Variants in TACR3 observed in about 807,000 individuals in gnomAD.
The protein encoded by TACR3 is tachykinin receptor 3, also known as neuromedin-K receptor.
TACR3 carries 34 observed loss-of-function variants against 35.0 expected under a neutral mutation model. The ratio of observed to expected loss-of-function variants is 0.97; its 90% CI spans 0.74 to 1.30. The LOEUF (loss-of-function observed/expected upper bound fraction) is 1.30. Among genes scored for constraint, TACR3 ranks in the 50% most tolerant of loss-of-function variants. The pLI, the probability that TACR3 is intolerant of heterozygous loss-of-function variation, is 0.00. For synonymous variants in TACR3, 233 were observed against 221.1 expected (o/e 1.05, Z -0.48); for missense variants, 558 against 591.7 (o/e 0.94, Z 0.59).
intron 3 of TACR3, among the ~76,000 whole-genome samples, chr4:103,638,171 A>G (rs906052321): frequency 3.3e-5 from 5 of 151,840 alleles, no homozygotes; most frequent in African/African-American, 4.8e-5. Context: ...GAGGCATCAC[A>G]CTACCTGACT....
intron 3 of TACR3, among the ~76,000 whole-genome samples, chr4:103,639,145 G>A (rs1225447804): frequency 6.6e-6 from 1 of 152,110 alleles, no homozygotes; most frequent in Admixed American, 6.6e-5. Context: ...GCACACGTAT[G>A]TTTATTGCGG....
intron 3 of TACR3, among the ~76,000 whole-genome samples, chr4:103,634,738 C>G (rs1207777655): frequency 1.3e-5 from 2 of 152,064 alleles, no homozygotes; most frequent in African/African-American, 4.8e-5. Context: ...AGCAATTAAT[C>G]TTAAAACAGA....
intron 3 of TACR3, among the ~76,000 whole-genome samples, chr4:103,648,659 TACC>T (rs1284053524): frequency 2.6e-5 from 4 of 152,176 alleles, no homozygotes; most frequent in Admixed American, 2.6e-4. Context: ...TGTGTATATG[TACC>T]ACATTTGCTT....
At chr4:103,611,654 CT>C (rs36108507) in intron 3 of TACR3, among the ~76,000 whole-genome samples, 1 of 151,624 alleles carries the variant, frequency 6.6e-6, no homozygotes, top group South Asian at 2.1e-4. Flanking sequence ...CAAGCATTTC[CT>C]TTTTTTTAAC....
chr4:103,639,076 C>A (rs71597165), intron 3 of TACR3, among the ~76,000 whole-genome samples: 2 of 152,020 alleles, frequency 1.3e-5, no homozygotes, highest in East Asian at 3.9e-4. Context: ...TTGACCCAGC[C>A]ATCCCATTAC....
At chr4:103,656,484 C>T in intron 2 of TACR3, 140 bp from the exon 3 acceptor site, 1 of 802,912 alleles carries the variant, frequency 1.2e-6, no homozygotes, top group Non-Finnish European at 2.0e-6. Flanking sequence ...CTCAAAATTC[C>T]ATCAAAATAT....
chr4:103,639,605 GA>G (rs977363017), intron 3 of TACR3, among the ~76,000 whole-genome samples: 3 of 151,348 alleles, frequency 2.0e-5, no homozygotes, highest in Non-Finnish European at 3.0e-5. Context: ...AAAATAAAAT[GA>G]AAAAAAGAAA....
intron 3 of TACR3, among the ~76,000 whole-genome samples, chr4:103,620,329 G>A (rs987673147): frequency 3.3e-5 from 5 of 152,184 alleles, no homozygotes; most frequent in African/African-American, 7.2e-5. Context: ...TAGCATGACC[G>A]CTATGGAAAT....
intron 3 of TACR3, among the ~76,000 whole-genome samples, chr4:103,617,125 CAT>C (rs537543910): frequency 3.2e-4 from 49 of 152,068 alleles, no homozygotes; most frequent in African/African-American, 9.4e-4. Flanking sequence ...AATTATGAGA[CAT>C]GTGAATAAAT....
At chr4:103,623,822 G>T (rs890186121) in intron 3 of TACR3, among the ~76,000 whole-genome samples, 1 of 152,146 alleles carries the variant, frequency 6.6e-6, no homozygotes, top group African/African-American at 2.4e-5. Flanking sequence ...TTTTCTAGGA[G>T]ATGCTCCAGG....
intron 1 of TACR3, among the ~76,000 whole-genome samples, chr4:103,706,586 T>A (rs1449342204): frequency 6.6e-6 from 1 of 151,950 alleles, no homozygotes; most frequent in African/African-American, 2.4e-5. Context: ...TATACATGAG[T>A]GCATAGGGAG....
At chr4:103,630,849 T>C (rs914830202) in intron 3 of TACR3, among the ~76,000 whole-genome samples, 4 of 152,180 alleles carry the variant, frequency 2.6e-5, no homozygotes, top group South Asian at 2.1e-4. Flanking sequence ...CAAAGGATTA[T>C]AAATCATGCT....
At chr4:103,632,170 G>A (rs149718141) in intron 3 of TACR3, among the ~76,000 whole-genome samples, 244 of 152,186 alleles carry the variant, frequency 1.6e-3, no homozygotes, top group African/African-American at 2.2e-3. Flanking sequence ...ATGCGCATTC[G>A]TCTTAGGAGA....
chr4:103,619,703 A>G (rs1724735551), intron 3 of TACR3, among the ~76,000 whole-genome samples: 1 of 152,120 alleles, frequency 6.6e-6, no homozygotes, highest in African/African-American at 2.4e-5. Context: ...TTTGAACTCT[A>G]GTATGTTGAG....
At chr4:103,653,755 C>A (rs909753482) in intron 3 of TACR3, among the ~76,000 whole-genome samples, 1 of 151,946 alleles carries the variant, frequency 6.6e-6, no homozygotes, top group African/African-American at 2.4e-5. Flanking sequence ...TCAGAGTGAA[C>A]AGGCAACCCA....
intron 1 of TACR3, among the ~76,000 whole-genome samples, chr4:103,715,208 T>C (rs1271449770): frequency 6.6e-6 from 1 of 152,172 alleles, no homozygotes; most frequent in Non-Finnish European, 1.5e-5. Context: ...TCATGTCGAA[T>C]TGTAATCCCC....
In TACR3 at chr4:103,589,604, G is replaced by T; in HGVS notation, c.*78C>A. 6.5e-7 allele frequency: 1 copy of T among 1,547,444 alleles called. No homozygotes were observed. The highest frequency in any genetic ancestry group is 8.9e-7 in the Non-Finnish European group (1 of 1,123,010). ...TGTTTCTAGAGGGTATATAGGACAGGACTGGTAAATAGGAGAATGGGGTCC... is the reference window on the plus strand; with the variant it reads ...TGTTTCTAGAGGGTATATAGGACAGTACTGGTAAATAGGAGAATGGGGTCC... On this transcript the variant is annotated 3_prime_UTR_variant, in exon 5 of 5. Coordinates refer to ENST00000304883, the MANE Select transcript of TACR3 (RefSeq NM_001059.3).
At chr4:103,603,188 T>C (rs1724253272) in intron 3 of TACR3, among the ~76,000 whole-genome samples, 1 of 152,238 alleles carries the variant, frequency 6.6e-6, no homozygotes, top group Admixed American at 6.5e-5. Flanking sequence ...CGTAGGACCC[T>C]CCTAGCCATG....
At chr4:103,655,868 A>G (rs1725723642) in intron 3 of TACR3, among the ~76,000 whole-genome samples, 3 of 152,200 alleles carry the variant, frequency 2.0e-5, no homozygotes, top group Non-Finnish European at 4.4e-5. Flanking sequence ...TCAATAAATG[A>G]CAAAGAAAGA....
Sources: allele counts gnomAD v4.1 joint callset (sites outside exome capture counted in the v4.1 genomes callset), GRCh38; gene constraint gnomAD v4.1.1; transcripts MANE v1.5; gene names NCBI Gene and HGNC (gene_info 2026-07-23, HGNC 2026-07-21).